The following RNF38 variants were observed in gnomAD, a reference collection of about 807,000 sequenced individuals.
RNF38 encodes ring finger protein 38.
A neutral mutation model predicts 67.2 loss-of-function variants in RNF38; 15 were observed. The ratio of observed to expected loss-of-function variants is 0.22; its 90% CI spans 0.15 to 0.34. RNF38 has a LOEUF of 0.34. Ranked by LOEUF, RNF38 falls within the 10% of genes least tolerant of loss-of-function variation. The probability of loss-of-function intolerance (pLI) is 1.00; values close to 1 mark genes in which losing one functional copy is unlikely to be tolerated. For synonymous variants in RNF38, 220 were observed against 218.8 expected (o/e 1.01, Z -0.05); for missense variants, 524 against 639.9 (o/e 0.82, Z 1.95).
intron 1 of RNF38, among the ~76,000 whole-genome samples, chr9:36,478,391 G>A (rs1467524645): frequency 3.6e-5 from 4 of 111,632 alleles, no homozygotes; most frequent in Admixed American, 1.1e-4. Context: ...GGGAGAGAGC[G>A]AGACTCCGTC....
intron 6 of RNF38, among the ~76,000 whole-genome samples, chr9:36,355,747 T>C (rs1834053066): frequency 6.6e-6 from 1 of 152,056 alleles, no homozygotes; most frequent in Admixed American, 6.6e-5. Context: ...ACTAGAAAAA[T>C]TTAAGAAACC....
At chr9:36,474,502 T>C (rs79998931) in intron 1 of RNF38, among the ~76,000 whole-genome samples, 1,720 of 148,296 alleles carry the variant, frequency 0.012, 133 homozygotes, top group Non-Finnish European at 0.018. Flanking sequence ...TAAAGTAAGA[T>C]GCAGTAAAGC....
chr9:36,400,945 G>A (rs971298084), upstream of RNF38: 243 of 982,920 alleles, frequency 2.5e-4, no homozygotes, highest in Non-Finnish European at 2.7e-4. Context: ...CCCCGCCTCG[G>A]CGATCACAGA....
intron 4 of RNF38, among the ~76,000 whole-genome samples, chr9:36,367,062 T>TA (rs953064043): frequency 8.2e-4 from 125 of 152,198 alleles, no homozygotes; most frequent in African/African-American, 2.9e-3. Context: ...TACAGCGACT[T>TA]AAAGTGTTTG....
In RNF38 at chr9:36,395,892, T is replaced by C. The variant is rs550036183; in HGVS notation, c.12+4205A>G. On this transcript the variant is annotated intron_variant, in intron 1 of 11. Transcript: ENST00000259605. ...AAAAAGTAGCAACCAGAAACACTAC[T>C]ACTTGGGGGAGGAGAAAATTATTTA... Among the ~76,000 whole-genome samples the C allele has an allele frequency of 2.6e-5, 4 of 152,312 alleles. No homozygotes were observed. The East Asian group carries it at 7.7e-4, about 29-fold the overall frequency.
chr9:36,337,808 TACC>T lies in RNF38; in HGVS notation c.*1941_*1943del, dbSNP rs1832560169. On this transcript the variant is annotated 3_prime_UTR_variant, in exon 12 of 12. Coordinates refer to ENST00000259605, the MANE Select transcript of RNF38 (RefSeq NM_022781.5). ...CATGTGCATTAACCATGTGCATTTT[TACC>T]ACTATTTAGAAGTATTTCTGATGCA... is the stretch of plus-strand genomic sequence containing the variant. 6.6e-6 allele frequency: 1 copy of T among 152,670 alleles called. No homozygotes were observed. The highest frequency in any genetic ancestry group is 1.9e-4 in the East Asian group (1 of 5,200). The allele number at this position is 152,670 out of a possible 1,614,324, so 9.5% of individuals were successfully genotyped here. A position where few individuals can be genotyped will look rare whatever the true frequency, so the allele number is the denominator to read the frequency against.
At chr9:36,409,825 A>C (rs1838279268) in intron 2 of RNF38, among the ~76,000 whole-genome samples, 1 of 152,202 alleles carries the variant, frequency 6.6e-6, no homozygotes, top group African/African-American at 2.4e-5. Context: ...CTTTAAGGAA[A>C]AGAAGGAAAT....
At chr9:36,464,588 A>C (rs941715324) in intron 1 of RNF38, among the ~76,000 whole-genome samples, 2 of 151,638 alleles carry the variant, frequency 1.3e-5, no homozygotes, top group Non-Finnish European at 2.9e-5. Context: ...AAAAAAAATC[A>C]TATTTGTATC....
rs908189142 is a variant in RNF38, at chr9:36,337,321, G to A, written c.*2431C>T. ...CATGCAAAGACAAGACATTCCCAAA[G>A]ATCAGTCACTAGAGTGCAACAACGA... is the stretch of plus-strand genomic sequence containing the variant. On this transcript the variant is annotated 3_prime_UTR_variant, in exon 12 of 12. Coordinates refer to ENST00000259605, the MANE Select transcript of RNF38 (RefSeq NM_022781.5). 6.5e-6 allele frequency: 1 copy of A among 152,698 alleles called. No individual in the cohort carries two copies. The highest frequency in any genetic ancestry group is 2.4e-5 in the African/African-American group (1 of 41,440). 9.5% of individuals were successfully genotyped at this position (152,698 alleles called of 1,614,324 possible). A position where few individuals can be genotyped will look rare whatever the true frequency, so the allele number is the denominator to read the frequency against.
intron 1 of RNF38, among the ~76,000 whole-genome samples, chr9:36,428,904 C>T (rs1838857011): frequency 6.6e-6 from 1 of 152,198 alleles, no homozygotes; most frequent in African/African-American, 2.4e-5. Context: ...CAGTAGAGAG[C>T]ATTTGCCTGC....
intron 1 of RNF38, among the ~76,000 whole-genome samples, chr9:36,440,907 C>T (rs1051994931): frequency 2.6e-5 from 4 of 152,112 alleles, no homozygotes; most frequent in Admixed American, 6.5e-5. Context: ...CAGCTTTAAC[C>T]TTCCTATGCA....
chr9:36,342,289 T>C, intron 11 of RNF38, 36 bp downstream of exon 11: 2 of 1,413,726 alleles, frequency 1.4e-6, no homozygotes, highest in African/African-American at 2.8e-5. Flanking sequence ...AATAGAAAAT[T>C]CAATGTCATT....
chr9:36,373,882 G>T (rs1480698743), intron 3 of RNF38, among the ~76,000 whole-genome samples: 1 of 151,948 alleles, frequency 6.6e-6, no homozygotes, highest in Non-Finnish European at 1.5e-5. Flanking sequence ...GTAGAGACAG[G>T]GTTTCACCAT....
chr9:36,429,619 C>T (rs774498447), intron 1 of RNF38, among the ~76,000 whole-genome samples: 1 of 152,020 alleles, frequency 6.6e-6, no homozygotes, highest in Non-Finnish European at 1.5e-5. Context: ...CAAGATGAAA[C>T]CCTGCCTTTA....
At position 36,355,774 on chromosome 9, in the gene RNF38, C is replaced by T. The variant is rs1363727289; in HGVS notation, c.909+529G>A. On this transcript the variant is annotated intron_variant, in intron 6 of 11. Coordinates refer to ENST00000259605, the MANE Select transcript of RNF38 (RefSeq NM_022781.5). The stretch of plus-strand genomic sequence containing the variant: ...TAAGAAACCAGAAATTTAAGGTAAA[C>T]GTTTATACTAATTTGTATATGTTTG... 5.3e-5 allele frequency among the ~76,000 whole-genome samples: 8 copies of T among 152,062 alleles called. No homozygotes were observed. The East Asian group carries it at 7.7e-4, about 15-fold the overall frequency.
intron 2 of RNF38, among the ~76,000 whole-genome samples, chr9:36,385,215 T>A (rs1836516328): frequency 6.6e-6 from 1 of 152,030 alleles, no homozygotes; most frequent in Admixed American, 6.6e-5. Flanking sequence ...CATTTCTTGA[T>A]CAGATTTTGT....
At chr9:36,368,977 C>T (rs979828260) in intron 4 of RNF38, among the ~76,000 whole-genome samples, 1 of 152,036 alleles carries the variant, frequency 6.6e-6, no homozygotes, top group Non-Finnish European at 1.5e-5. Flanking sequence ...CAACCTCTCT[C>T]CTCAGCTGGT....
At chr9:36,408,003 T>C (rs140567193) in intron 2 of RNF38, among the ~76,000 whole-genome samples, 29 of 152,220 alleles carry the variant, frequency 1.9e-4, no homozygotes, top group African/African-American at 6.8e-4. Context: ...TTTGAAAATA[T>C]ATCCATAAAA....
intron 1 of RNF38, among the ~76,000 whole-genome samples, chr9:36,475,769 G>A (rs1840106506): frequency 6.6e-6 from 1 of 150,960 alleles, no homozygotes; most frequent in Non-Finnish European, 1.5e-5. Context: ...TGTAATCCCA[G>A]CACTTTGGGA....
Sources: allele counts gnomAD v4.1 joint callset (sites outside exome capture counted in the v4.1 genomes callset), GRCh38; gene constraint gnomAD v4.1.1; transcripts MANE v1.5; gene names NCBI Gene and HGNC (gene_info 2026-07-23, HGNC 2026-07-21).